The following KCNIP4 variants were observed in gnomAD, a reference collection of about 807,000 sequenced individuals.
KCNIP4 encodes potassium voltage-gated channel interacting protein 4, also known as Kv channel-interacting protein 4.
In KCNIP4, 12 loss-of-function variants were observed where a neutral mutation model predicts 34.0. The ratio of observed to expected loss-of-function variants is 0.35; its 90% CI spans 0.23 to 0.57. KCNIP4 has a LOEUF of 0.57. KCNIP4 is among the 20% of genes least tolerant of loss of function. KCNIP4 has a pLI of 0.83. For synonymous variants in KCNIP4, 124 were observed against 102.2 expected, an observed-to-expected ratio of 1.21 and a Z score of -1.29; for missense variants, 238 against 311.7, an observed-to-expected ratio of 0.76 and a Z score of 1.78.
intron 1 of KCNIP4, among the ~76,000 whole-genome samples, chr4:21,803,454 G>A (rs1194365049): frequency 6.6e-6 from 1 of 152,092 alleles, no homozygotes; most frequent in Non-Finnish European, 1.5e-5. Context: ...AATGCACTGT[G>A]ATGTGATAAC....
intron 1 of KCNIP4, among the ~76,000 whole-genome samples, chr4:21,418,754 A>G (rs1486887996): frequency 6.6e-6 from 1 of 152,144 alleles, no homozygotes; most frequent in Non-Finnish European, 1.5e-5. Flanking sequence ...ACTTTTGGAC[A>G]GTTGGGGCCA....
intron 1 of KCNIP4, among the ~76,000 whole-genome samples, chr4:21,169,237 T>C (rs1338619433): frequency 1.3e-5 from 2 of 152,072 alleles, no homozygotes; most frequent in African/African-American, 4.8e-5. Flanking sequence ...ACTGCAGCCT[T>C]GACCTCCTGG....
chr4:21,283,557 A>T (rs1762911340), intron 1 of KCNIP4, among the ~76,000 whole-genome samples: 1 of 150,734 alleles, frequency 6.6e-6, no homozygotes, highest in South Asian at 2.1e-4. Flanking sequence ...TTACTCGACC[A>T]TAAGTTTTTA....
At chr4:20,966,243 A>G (rs1734334865) in intron 1 of KCNIP4, among the ~76,000 whole-genome samples, 1 of 152,184 alleles carries the variant, frequency 6.6e-6, no homozygotes, top group African/African-American at 2.4e-5. Context: ...CAATTACTTC[A>G]TTGCTGTCTG....
chr4:21,339,426 G>A (rs180728453), intron 1 of KCNIP4, among the ~76,000 whole-genome samples: 187 of 152,242 alleles, frequency 1.2e-3, no homozygotes, highest in African/African-American at 3.9e-3. Context: ...AAAACAACTC[G>A]TCAACATAAT....
At chr4:20,784,535 C>T in intron 3 of KCNIP4, among the ~76,000 whole-genome samples, 1 of 152,182 alleles carries the variant, frequency 6.6e-6, no homozygotes, top group East Asian at 1.9e-4. Context: ...TTGGGACTTT[C>T]ATTCTGGAAG....
chr4:21,112,940 A>G (rs911475058), intron 1 of KCNIP4, among the ~76,000 whole-genome samples: 3 of 152,310 alleles, frequency 2.0e-5, no homozygotes, highest in South Asian at 2.1e-4. Flanking sequence ...CTAGTGTTTT[A>G]GAGATCAGAT....
chr4:21,043,150 GT>G lies in KCNIP4; in HGVS notation c.62-160442del, dbSNP rs200917934. Among the ~76,000 whole-genome samples the G allele has an allele frequency of 5.4e-3, 826 of 152,256 alleles. 4 individuals carry two copies. The highest frequency in any genetic ancestry group is 0.017 in the African/African-American group (722 of 41,552). ...TTTTTAAGCATCAGGAGGAAACCAG[GT>G]TGTCAAGAAAGAAAGTTCTCTTGAC... On this transcript the variant is annotated intron_variant, in intron 1 of 8. Transcript: ENST00000382152.
chr4:21,415,537 CAA>C (rs77356407), intron 1 of KCNIP4, among the ~76,000 whole-genome samples: 9 of 128,376 alleles, frequency 7.0e-5, no homozygotes, highest in Non-Finnish European at 8.5e-5. Context: ...ACTAAAATTA[CAA>C]AAAAAAAAAA....
intron 1 of KCNIP4, among the ~76,000 whole-genome samples, chr4:21,728,027 A>C (rs186683507): frequency 1.1e-3 from 161 of 152,172 alleles, no homozygotes; most frequent in Non-Finnish European, 1.8e-4. Context: ...AATGACTTAC[A>C]CTTTCTGTCT....
intron 3 of KCNIP4, among the ~76,000 whole-genome samples, chr4:20,769,867 C>T (rs1467882952): frequency 1.3e-5 from 2 of 152,134 alleles, no homozygotes; most frequent in African/African-American, 2.4e-5. Context: ...AAGCAAAGGC[C>T]TGTTGAGTCC....
chr4:20,738,475 C>T (rs1750235418), intron 5 of KCNIP4, among the ~76,000 whole-genome samples: 1 of 152,174 alleles, frequency 6.6e-6, no homozygotes, highest in Admixed American at 6.5e-5. Context: ...ACATGTCTGA[C>T]ACATTCCAAG....
chr4:21,750,323 GA>G (rs1390523923), intron 1 of KCNIP4, among the ~76,000 whole-genome samples: 2 of 152,142 alleles, frequency 1.3e-5, no homozygotes, highest in Non-Finnish European at 2.9e-5. Flanking sequence ...TCCTTAAAGT[GA>G]AAAGGTAAAA....
chr4:21,305,049 A>G (rs145615320), intron 1 of KCNIP4, among the ~76,000 whole-genome samples: 12 of 152,224 alleles, frequency 7.9e-5, no homozygotes, highest in African/African-American at 2.2e-4. Flanking sequence ...CTTTCCTCCT[A>G]ACACTGCCCA....
rs201214194 is a variant in KCNIP4, at chr4:21,152,783, G to A, written c.62-270074C>T. On this transcript the variant is annotated intron_variant, in intron 1 of 8. Coordinates refer to ENST00000382152, the MANE Select transcript of KCNIP4 (RefSeq NM_025221.6). ...CTCCGCCTCTTGTCAGATGAGCCGC[G>A]GCATTAGATTCTCATACAAGAGCGA... Among the ~76,000 whole-genome samples, 32 of 152,220 alleles carry A rather than the reference G, an allele frequency of 2.1e-4. No homozygotes were observed. The East Asian group carries it at 5.4e-3, about 26-fold the overall frequency.
intron 1 of KCNIP4, among the ~76,000 whole-genome samples, chr4:21,502,486 G>C (rs570859518): frequency 2.6e-5 from 4 of 152,164 alleles, no homozygotes; most frequent in African/African-American, 9.6e-5. Context: ...CAAATCCCCA[G>C]ATATCAGGTT....
At chr4:20,888,786 A>G (rs1725593901) in intron 1 of KCNIP4, among the ~76,000 whole-genome samples, 1 of 152,082 alleles carries the variant, frequency 6.6e-6, no homozygotes, top group Admixed American at 6.6e-5. Flanking sequence ...TCTTTCTCCA[A>G]ATTAAGGGCC....
At chr4:21,767,848 A>G (rs886790984) in intron 1 of KCNIP4, among the ~76,000 whole-genome samples, 8 of 152,142 alleles carry the variant, frequency 5.3e-5, no homozygotes, top group African/African-American at 1.9e-4. Flanking sequence ...CCACCGACAT[A>G]TCTATTTCAG....
chr4:21,567,704 A>G (rs1740020901), intron 1 of KCNIP4, among the ~76,000 whole-genome samples: 1 of 152,132 alleles, frequency 6.6e-6, no homozygotes, highest in Non-Finnish European at 1.5e-5. Context: ...ATATAACTTT[A>G]AAAACAATAC....
Sources: gnomAD v4.1 joint callset for allele counts (sites outside exome capture counted in the v4.1 genomes callset) on GRCh38, gnomAD v4.1.1 for gene constraint, MANE v1.5 for transcripts, NCBI Gene and HGNC (gene_info 2026-07-23, HGNC 2026-07-21) for gene names.